The following XIRP1 variants were observed in gnomAD, a reference collection of about 807,000 sequenced individuals.
XIRP1 encodes xin actin binding repeat containing 1, also known as xin actin-binding repeat-containing protein 1.
For synonymous variants in XIRP1, 984 were observed against 947.0 expected, an observed-to-expected ratio of 1.04 and a Z score of -0.72; for missense variants, 2,378 against 2,345.4, an observed-to-expected ratio of 1.01 and a Z score of -0.29.
In XIRP1 at chr3:39,186,821, G is replaced by A. The variant is rs377642547; in HGVS notation, c.2625C>T (p.Asp875=). Residue 875 remains aspartate, a synonymous_variant, in exon 2 of 2, where the codon GAC becomes GAT. Transcript: ENST00000340369. ...PGSSGNIEDM[D]PELQQLLACG... ...AAGCCAGCAGCTGCTGGAGCTCAGG[G>A]TCCATGTCTTCAATATTCCCACTGC... The A allele has an allele frequency of 1.2e-6, 2 of 1,613,808 alleles. No individual in the cohort carries two copies. Among genetic ancestry groups the A allele is most frequent in the African/African-American group, 2.7e-5 (2 of 74,918 alleles).
chr3:39,184,644 T>C lies in XIRP1; in HGVS notation c.4802A>G (p.Gln1601Arg), dbSNP rs1575177872. The change falls in exon 2 of 2, where the codon CAG becomes CGG. Residue 1601 changes from glutamine to arginine, a missense_variant. Transcript: ENST00000340369. ...SSSARPSGSG[Q>R]EVGGQTAVKN... ...GACTGCAGTTTGACCTCCGACCTCC[T>C]GGCCTGAGCCACTGGGCCTGGCGCT... 1 of 1,613,800 alleles carries C rather than the reference T, an allele frequency of 6.2e-7. No individual in the cohort carries two copies. The highest frequency in any genetic ancestry group is 1.7e-5 in the Admixed American group (1 of 59,976).
chr3:39,190,092 A>G (rs1170971137), intron 1 of XIRP1, among the ~76,000 whole-genome samples: 2 of 152,372 alleles, frequency 1.3e-5, no homozygotes, highest in South Asian at 2.1e-4. Context: ...CCAACAGCCC[A>G]TGCTAGAGCG....
chr3:39,186,284 G>A lies in XIRP1; in HGVS notation c.3162C>T (p.Ala1054=), dbSNP rs1468414726. Reference sequence around the variant, plus strand: ...CTGTTGCCATCCGCAGACTCTGCATGGCGGCCAGGAGGTCTGGGGCCCCAG... The same window carrying A: ...CTGTTGCCATCCGCAGACTCTGCATAGCGGCCAGGAGGTCTGGGGCCCCAG... ...PGPGAPDLLA[A]MQSLRMATAE... The change falls in exon 2 of 2, where the codon GCC becomes GCT. Residue 1054 remains alanine (A), a synonymous_variant. Coordinates refer to ENST00000340369, the MANE Select transcript of XIRP1 (RefSeq NM_194293.4). 1.9e-6 allele frequency: 3 copies of A among 1,613,654 alleles called. No homozygotes were observed. In the East Asian group the frequency reaches 6.7e-5, roughly 36 times the overall value.
rs1379813045 is a variant in XIRP1 at position 39,186,246 on chromosome 3, C to A, written c.3200G>T (p.Ser1067Ile). ...CTTGTTCAGAACTTGCTGGTGCAGG[C>A]TCTGGGCTTCAGCTGTTGCCATCCG... ...SLRMATAEAQ[S>I]LHQQVLNKHK... Residue 1067 changes from serine (S) to isoleucine (I), a missense_variant, in exon 2 of 2, where the codon AGC becomes ATC. Physicochemically the swap from Ser to Ile is moderately radical, Grantham distance 142 (BLOSUM62 -2). Coordinates refer to ENST00000340369, the MANE Select transcript of XIRP1 (RefSeq NM_194293.4). 5.0e-6 allele frequency: 8 copies of A among 1,613,704 alleles called. No individual in the cohort carries two copies. The highest frequency in any genetic ancestry group is 5.9e-6 in the Non-Finnish European group (7 of 1,179,930).
rs1487630337 is a variant in XIRP1 at position 39,183,595 on chromosome 3, CAT to C, written c.*317_*318del. 4 of 313,324 alleles carry C rather than the reference CAT, an allele frequency of 1.3e-5. No individual in the cohort carries two copies. Among genetic ancestry groups the C allele is most frequent in the African/African-American group, 6.5e-5 (3 of 46,142 alleles). The allele number at this position is 313,324 out of a possible 1,614,324, so 19.4% of individuals were successfully genotyped here. The stretch of plus-strand genomic sequence containing the variant: ...TCAGGCAGTGGTGTGCAAATTCACA[CAT>C]GTCGATGCGTGGGCCAGGCCTGTGT... On this transcript the variant is annotated 3_prime_UTR_variant, in exon 2 of 2. Transcript: ENST00000340369.
Position 39,189,280 on chromosome 3 carries a change from G to T in XIRP1, c.166C>A (p.Arg56Ser), listed in dbSNP as rs752930588. The change falls in exon 2 of 2, where the codon CGC becomes AGC. Residue 56 changes from arginine to serine, a missense_variant. Arg to Ser is a moderately radical substitution (Grantham distance 110, BLOSUM62 -1). Transcript: ENST00000340369. Reference protein sequence around the residue: ...HQQRQASELRRLYRHIHPELR... With the variant: ...HQQRQASELRSLYRHIHPELR... ...TCAGGGTGGATGTGCCTGTAGAGGC[G>T]GCGGAGCTCACTAGCTTGCCGCTGC... is the stretch of plus-strand genomic sequence containing the variant. 2.0e-5 allele frequency: 33 copies of T among 1,613,826 alleles called. No individual in the cohort carries two copies. Among genetic ancestry groups the T allele is most frequent in the African/African-American group, 2.7e-5 (2 of 74,894 alleles).
Position 39,184,501 on chromosome 3 carries a change from T to C in XIRP1, c.4945A>G (p.Thr1649Ala), listed in dbSNP as rs755841938. Residue 1649 changes from threonine to alanine, a missense_variant, in exon 2 of 2, where the codon ACA becomes GCA. Coordinates refer to ENST00000340369, the MANE Select transcript of XIRP1 (RefSeq NM_194293.4). ...GGAGGGCACAAATACTCTCTTGATG[T>C]CTCCTGCCTCCTGGTGGAAGGGGCA... ...STAPSTRRQE[T>A]SREYLCPPRV... The C allele has an allele frequency of 3.1e-6, 5 of 1,613,970 alleles. No individual in the cohort carries two copies. Among genetic ancestry groups the C allele is most frequent in the Non-Finnish European group, 4.2e-6 (5 of 1,180,038 alleles).
chr3:39,186,673 T>C lies in XIRP1; in HGVS notation c.2773A>G (p.Ser925Gly). The C allele has an allele frequency of 6.2e-7, 1 of 1,613,864 alleles. No individual in the cohort carries two copies. Among genetic ancestry groups the C allele is most frequent in the Non-Finnish European group, 8.5e-7 (1 of 1,179,976 alleles). The change falls in exon 2 of 2, where the codon AGC (serine) becomes GGC (glycine). Residue 925 changes from serine (S) to glycine (G), a missense_variant. Ser to Gly is a moderately conservative substitution (Grantham distance 56). Transcript: ENST00000340369. ...ATGCAGCTGGCCAACAGCTGCACGC[T>C]GCTCCTCTCAGAGGCCTTGCTAGTT... ...RLTSKASERS[S>G]VQLLASCIDK...
chr3:39,183,613 AG>A lies in XIRP1; in HGVS notation c.*300del, dbSNP rs1019671159. On this transcript the variant is annotated 3_prime_UTR_variant, in exon 2 of 2. Transcript: ENST00000340369. ...ATTCACACATGTCGATGCGTGGGCC[AG>A]GCCTGTGTGAAAAACATGTGTGTGT... is the stretch of plus-strand genomic sequence containing the variant. 6.4e-5 allele frequency: 25 copies of A among 389,078 alleles called. No homozygotes were observed. Among genetic ancestry groups the A allele is most frequent in the African/African-American group, 5.0e-4 (24 of 48,150 alleles). 24.1% of individuals were successfully genotyped at this position (389,078 alleles called of 1,614,324 possible). A position where few individuals can be genotyped will look rare whatever the true frequency, so the allele number is the denominator to read the frequency against.
At chr3:39,190,884 C>G (rs952305397) in intron 1 of XIRP1, among the ~76,000 whole-genome samples, 27 of 152,158 alleles carry the variant, frequency 1.8e-4, no homozygotes, top group African/African-American at 6.3e-4. Flanking sequence ...AGGCTGAGGC[C>G]CAGCCAGTGG....
Position 39,185,518 on chromosome 3 carries a change from TTGTC to T in XIRP1, c.3924_3927del (p.Thr1309ArgfsTer24). 7 of 1,557,988 alleles carry T rather than the reference TTGTC, an allele frequency of 4.5e-6. No homozygotes were observed. Among genetic ancestry groups the T allele is most frequent in the African/African-American group, 1.4e-5 (1 of 73,112 alleles). On this transcript the variant is annotated frameshift_variant, in exon 2 of 2. Transcript: ENST00000340369. LOFTEE classifies it low-confidence loss of function (END_TRUNC). ...ATGGTGGGGTCCAGTTTTGGGGTCT[TTGTC>T]TGTGACCCTCCAGGGGTTCTCTGGC... is the stretch of plus-strand genomic sequence containing the variant.
chr3:39,184,015 G>T lies in XIRP1; in HGVS notation c.5431C>A (p.Leu1811Met). 9.9e-6 allele frequency: 16 copies of T among 1,613,116 alleles called. No homozygotes were observed. The highest frequency in any genetic ancestry group is 1.4e-5 in the Non-Finnish European group (16 of 1,179,732). Reference protein sequence around the residue: ...SHLGLHASPLLRQFLHSPAGF... With the variant: ...SHLGLHASPLMRQFLHSPAGF... ...GCTGGGCTGTGCAGGAACTGCCTCA[G>T]CAAGGGGGAGGCGTGGAGCCCGAGG... Residue 1811 changes from leucine to methionine, a missense_variant, in exon 2 of 2, where the codon CTG (leucine) becomes ATG (methionine). By Grantham distance (15) the Leu-to-Met change is conservative. Transcript: ENST00000340369.
chr3:39,183,931 G>A lies in XIRP1; in HGVS notation c.5515C>T (p.Gln1839Ter), dbSNP rs1389064364. 1 of 1,610,698 alleles carries A rather than the reference G, an allele frequency of 6.2e-7. No homozygotes were observed. The highest frequency in any genetic ancestry group is 1.3e-5 in the African/African-American group (1 of 74,862). Residue 1839 changes from glutamine (Q) to a stop codon, truncating the protein, a stop_gained, in exon 2 of 2, where the codon CAG becomes TAG. Transcript: ENST00000340369. LOFTEE classifies it high-confidence loss of function. The part of the protein sequence containing the change: ...ETVQVSCSYS[Q>*]PAAQ ...GGTGGGCCTCACTGGGCAGCTGGCT[G>A]GGAGTAGCTGCAGGACACCTGCACC...
At chr3:39,191,627 A>T (rs1407579417) in intron 1 of XIRP1, among the ~76,000 whole-genome samples, 1 of 152,174 alleles carries the variant, frequency 6.6e-6, no homozygotes, top group Non-Finnish European at 1.5e-5. Context: ...GGACAAGTGT[A>T]GAGTCAGGAC....
intron 1 of XIRP1, among the ~76,000 whole-genome samples, chr3:39,191,943 C>G (rs1288066918): frequency 1.3e-5 from 2 of 152,226 alleles, no homozygotes; most frequent in African/African-American, 2.4e-5. Flanking sequence ...CTCCGGCCAG[C>G]CCCTGGGAGC....
rs1276230291 is a variant in XIRP1, at chr3:39,189,195, T to C, written c.251A>G (p.Glu84Gly). The change falls in exon 2 of 2, where the codon GAG (glutamate) becomes GGG (glycine). Residue 84 changes from glutamate to glycine, a missense_variant. Physicochemically the swap from Glu to Gly is moderately conservative, Grantham distance 98. Coordinates refer to ENST00000340369, the MANE Select transcript of XIRP1 (RefSeq NM_194293.4). ...CTGAACGTCACCCTCGGTGGGTTCCTCAGAGCCCAGGACCTCAGCCAGATC... is the reference window on the plus strand; with the variant it reads ...CTGAACGTCACCCTCGGTGGGTTCCCCAGAGCCCAGGACCTCAGCCAGATC... ...AEDLAEVLGS[E>G]EPTEGDVQCM... The C allele has an allele frequency of 3.1e-6, 5 of 1,614,174 alleles. No homozygotes were observed. Among genetic ancestry groups the C allele is most frequent in the Non-Finnish European group, 4.2e-6 (5 of 1,180,038 alleles).
rs747130924 is a variant in XIRP1, at chr3:39,185,573, A to T, written c.3873T>A (p.Leu1291=). The change falls in exon 2 of 2, where the codon CTT becomes CTA. Residue 1291 remains leucine (L), a synonymous_variant. Transcript: ENST00000340369. The part of the protein sequence containing the change: ...QQASEPLKDP[L]LHSHSSPAGQ... ...CAGCAGGGCTGCTGTGGGAGTGAAG[A>T]AGGGGGTCCTTCAGGGGCTCAGAGG... 6.3e-7 allele frequency: 1 copy of T among 1,584,096 alleles called. No individual in the cohort carries two copies. Among genetic ancestry groups the T allele is most frequent in the Admixed American group, 1.8e-5 (1 of 56,510 alleles).
At position 39,188,073 on chromosome 3, in the gene XIRP1, A is replaced by T. The variant is rs780675233; in HGVS notation, c.1373T>A (p.Val458Asp). Residue 458 changes from valine (V) to aspartate (D), a missense_variant, in exon 2 of 2, where the codon GTT becomes GAT. Transcript: ENST00000340369. ...TCTGCTTGGACTCCCATGGGCCAGA[A>T]CCTCACCCTGTCCAATGCTGTCCAA... ...LPLDSIGQGE[V>D]LAHGSPSREE... 1.2e-6 allele frequency: 2 copies of T among 1,614,058 alleles called. No homozygotes were observed. The highest frequency in any genetic ancestry group is 2.2e-5 in the South Asian group (2 of 91,066).
At position 39,184,102 on chromosome 3, in the gene XIRP1, C is replaced by A; in HGVS notation, c.5344G>T (p.Val1782Phe). 6.2e-7 allele frequency: 1 copy of A among 1,605,756 alleles called. No individual in the cohort carries two copies. The highest frequency in any genetic ancestry group is 8.5e-7 in the Non-Finnish European group (1 of 1,174,044). ...YEEVDQFGNT[V>F]LMSSTTVTEQ... ...GTGACTGTGGTGGAAGACATGAGGA[C>A]TGTGTTCCCAAACTGGTCCACCTCC... The change falls in exon 2 of 2, where the codon GTC (valine) becomes TTC (phenylalanine). Residue 1782 changes from valine to phenylalanine, a missense_variant. Physicochemically the swap from Val to Phe is conservative, Grantham distance 50. Coordinates refer to ENST00000340369, the MANE Select transcript of XIRP1 (RefSeq NM_194293.4).
Sources: gnomAD v4.1 joint callset for allele counts (sites outside exome capture counted in the v4.1 genomes callset) on GRCh38, gnomAD v4.1.1 for gene constraint, MANE v1.5 for transcripts, NCBI Gene and HGNC (gene_info 2026-07-23, HGNC 2026-07-21) for gene names.